PDS5A: variants seen among roughly 807,000 people sequenced by gnomAD.
The protein encoded by PDS5A is sister chromatid cohesion protein PDS5 homolog A.
Under a neutral mutation model 167.1 loss-of-function variants are expected in PDS5A, and 42 were observed. The ratio of observed to expected loss-of-function variants is 0.25; its 90% CI spans 0.20 to 0.33. The LOEUF is 0.33. PDS5A is among the 10% of genes least tolerant of loss of function. The probability of loss-of-function intolerance (pLI) is 1.00; values close to 1 mark genes in which losing one functional copy is unlikely to be tolerated. For missense variants in PDS5A, 1,033 were observed against 1,605.9 expected, an observed-to-expected ratio of 0.64 and a Z score of 6.10; for synonymous variants, 553 against 554.6, an observed-to-expected ratio of 1.00 and a Z score of 0.04.
chr4:39,881,794 A>G (rs925534583), intron 17 of PDS5A, among the ~76,000 whole-genome samples: 7 of 152,176 alleles, frequency 4.6e-5, no homozygotes, highest in Non-Finnish European at 1.0e-4. Context: ...ATACAATTTC[A>G]TAGGGTTTGG....
At chr4:39,880,138 T>C (rs1178803623) in intron 17 of PDS5A, among the ~76,000 whole-genome samples, 1 of 151,332 alleles carries the variant, frequency 6.6e-6, no homozygotes, top group Non-Finnish European at 1.5e-5. Context: ...CAGAGATCAT[T>C]TTCAGTTTTA....
At chr4:39,961,460 C>A (rs1477178967) in intron 2 of PDS5A, among the ~76,000 whole-genome samples, 1 of 152,048 alleles carries the variant, frequency 6.6e-6, no homozygotes, top group African/African-American at 2.4e-5. Flanking sequence ...GGGGTTTCGC[C>A]ATGTTGGCCA....
In PDS5A at chr4:39,898,338, A is replaced by G. The variant is rs188136425; in HGVS notation, c.1770+51T>C. The G allele has an allele frequency of 4.8e-5, 71 of 1,487,468 alleles. 1 individual carries two copies. In the East Asian group the frequency reaches 1.8e-3, roughly 37 times the overall value. The allele number at this position is 1,487,468 out of a possible 1,614,324, so 92.1% of individuals were successfully genotyped here. A position where few individuals can be genotyped will look rare whatever the true frequency, so the allele number is the denominator to read the frequency against. ...TGTAAAACAGGCTTTAATAAAATAC[A>G]TATTTCTGTAAGTAAAGCTAGAGAA... On this transcript the variant is annotated intron_variant, in intron 16 of 32. Coordinates refer to ENST00000303538, the MANE Select transcript of PDS5A (RefSeq NM_001100399.2).
chr4:39,962,351 C>T (rs575953652), intron 2 of PDS5A, among the ~76,000 whole-genome samples: 15 of 152,222 alleles, frequency 9.9e-5, no homozygotes, highest in African/African-American at 2.4e-4. Context: ...CCACCGCGCC[C>T]GGCCTCTTCC....
At chr4:39,918,784 C>T (rs780381998) in intron 7 of PDS5A, among the ~76,000 whole-genome samples, 4 of 152,002 alleles carry the variant, frequency 2.6e-5, no homozygotes, top group Admixed American at 6.6e-5. Flanking sequence ...GCCTGGGAGG[C>T]GGAGGTTGCA....
chr4:39,961,496 G>A (rs1482423090), intron 2 of PDS5A, among the ~76,000 whole-genome samples: 1 of 151,882 alleles, frequency 6.6e-6, no homozygotes, highest in Non-Finnish European at 1.5e-5. Context: ...CCTGACCTCT[G>A]GTGGTCAGCC....
chr4:39,876,299 A>G (rs537009224), intron 19 of PDS5A, among the ~76,000 whole-genome samples: 1 of 152,324 alleles, frequency 6.6e-6, no homozygotes, highest in African/African-American at 2.4e-5. Flanking sequence ...ATTAGCCAGA[A>G]CAATGCGGAG....
At chr4:39,825,721 C>G (rs1715236890) in intron 32 of PDS5A, among the ~76,000 whole-genome samples, 2 of 151,942 alleles carry the variant, frequency 1.3e-5, no homozygotes, top group African/African-American at 4.8e-5. Context: ...CAGCCTGAGC[C>G]TCCCAAATAG....
intron 30 of PDS5A, among the ~76,000 whole-genome samples, chr4:39,842,937 A>ATATATATATATT (rs1433177642): frequency 4.3e-5 from 6 of 139,740 alleles, no homozygotes; most frequent in East Asian, 2.1e-4. Flanking sequence ...ATATATATAT[A>ATATATATATATT]TTTTAAGAGA....
intron 17 of PDS5A, among the ~76,000 whole-genome samples, chr4:39,882,045 C>T (rs1301073227): frequency 1.3e-5 from 2 of 152,046 alleles, no homozygotes; most frequent in Non-Finnish European, 2.9e-5. Context: ...GTGAGGCCTC[C>T]CCAACCACGT....
chr4:39,975,797 T>C (rs1731031698), intron 2 of PDS5A, among the ~76,000 whole-genome samples: 1 of 152,182 alleles, frequency 6.6e-6, no homozygotes, highest in African/African-American at 2.4e-5. Flanking sequence ...CCACAATCTA[T>C]GTCAGTGGAA....
At chr4:39,937,387 A>G (rs529949180) in intron 2 of PDS5A, among the ~76,000 whole-genome samples, 1 of 152,178 alleles carries the variant, frequency 6.6e-6, no homozygotes, top group African/African-American at 2.4e-5. Context: ...TAATTCAATT[A>G]CACCTCAATA....
At chr4:39,854,678 C>G (rs1718392877) in intron 26 of PDS5A, among the ~76,000 whole-genome samples, 1 of 152,180 alleles carries the variant, frequency 6.6e-6, no homozygotes, top group Admixed American at 6.5e-5. Flanking sequence ...GTAACCACCT[C>G]TTTATCTTTC....
intron 2 of PDS5A, among the ~76,000 whole-genome samples, chr4:39,928,819 T>C (rs1254564960): frequency 7.3e-6 from 1 of 136,640 alleles, no homozygotes; most frequent in Non-Finnish European, 1.6e-5. Context: ...AGTGAGACAC[T>C]GTCTTTAAAA....
At chr4:39,868,995 A>C (rs1719782937) in intron 22 of PDS5A, among the ~76,000 whole-genome samples, 1 of 152,218 alleles carries the variant, frequency 6.6e-6, no homozygotes, top group Non-Finnish European at 1.5e-5. Context: ...GCCTCTGAGC[A>C]CCGTCATTCT....
chr4:39,850,907 C>T (rs1490970611), intron 26 of PDS5A, among the ~76,000 whole-genome samples: 2 of 152,226 alleles, frequency 1.3e-5, no homozygotes, highest in African/African-American at 2.4e-5. Context: ...GACATGACTA[C>T]TGCATTCCTG....
In PDS5A at chr4:39,849,447, A is replaced by AAAC. The variant is rs1224078700; in HGVS notation, c.3219+72_3219+73insGTT. 5.1e-5 allele frequency: 56 copies of AAAC among 1,098,710 alleles called. No homozygotes were observed. In the Admixed American group the frequency reaches 7.3e-4, roughly 14 times the overall value. The allele number at this position is 1,098,710 out of a possible 1,614,324, so 68.1% of individuals were successfully genotyped here. A position where few individuals can be genotyped will look rare whatever the true frequency, so the allele number is the denominator to read the frequency against. Reference sequence around the variant, plus strand: ...AATTACTACGTATGGCCAAAAAAAAAAAAAAAAAACCAAGTGGGACAATAT... The same window carrying AAAC: ...AATTACTACGTATGGCCAAAAAAAAAAACAAAAAAAAACCAAGTGGGACAATAT... On this transcript the variant is annotated intron_variant, in intron 27 of 32. Transcript: ENST00000303538.
chr4:39,917,193 A>C lies in PDS5A; in HGVS notation c.736-5T>G. 1 of 1,522,028 alleles carries C rather than the reference A, an allele frequency of 6.6e-7. No individual in the cohort carries two copies. The highest frequency in any genetic ancestry group is 8.8e-7 in the Non-Finnish European group (1 of 1,140,702). The allele number at this position is 1,522,028 out of a possible 1,614,324, so 94.3% of individuals were successfully genotyped here. On this transcript the variant is annotated splice_region_variant and splice_polypyrimidine_tract_variant and intron_variant, in intron 7 of 32. Coordinates refer to ENST00000303538, the MANE Select transcript of PDS5A (RefSeq NM_001100399.2). The stretch of plus-strand genomic sequence containing the variant: ...CACCAGGACTTGATTGAAAAACTGT[A>C]AGAGATATTAAAAACAAAAAGAAAA...
At chr4:39,916,677 C>A (rs1433260232) in intron 8 of PDS5A, among the ~76,000 whole-genome samples, 1 of 151,886 alleles carries the variant, frequency 6.6e-6, no homozygotes, top group Non-Finnish European at 1.5e-5. Context: ...ACCAGCCTGG[C>A]CAACATGGAG....
Sources: allele counts gnomAD v4.1 joint callset (sites outside exome capture counted in the v4.1 genomes callset), GRCh38; gene constraint gnomAD v4.1.1; transcripts MANE v1.5; gene names NCBI Gene and HGNC (gene_info 2026-07-23, HGNC 2026-07-21).